TRAK1: variants seen among roughly 807,000 people sequenced by gnomAD.
TRAK1 encodes the protein trafficking kinesin protein 1.
In TRAK1, 33 loss-of-function variants were observed where a neutral mutation model predicts 92.1. That is an observed-to-expected ratio of 0.36 (90% CI 0.27 to 0.48). The LOEUF is 0.48. TRAK1 is among the 20% of genes least tolerant of loss of function. TRAK1 has a pLI of 0.99. For synonymous variants in TRAK1, 521 were observed against 517.3 expected, an observed-to-expected ratio of 1.01 and a Z score of -0.10; for missense variants, 1,123 against 1,257.9, an observed-to-expected ratio of 0.89 and a Z score of 1.62.
At chr3:42,083,254 C>T (rs1447041677), upstream of TRAK1, among the ~76,000 whole-genome samples, 9 of 152,050 alleles carry the variant, frequency 5.9e-5, no homozygotes, top group Admixed American at 5.9e-4. Context: ...TGTGTTTTGG[C>T]AGGGGGAGGG....
rs1417746436 is a variant in TRAK1 at position 42,110,094 on chromosome 3, G to GTGTATATATATATATATATA, written c.92-15325_92-15324insGTATATATATATATATATAT. On this transcript the variant is annotated intron_variant, in intron 1 of 15. Transcript: ENST00000327628. The stretch of plus-strand genomic sequence containing the variant: ...GTGCACATGTACCCTAGAACTTAAA[G>GTGTATATATATATATATATA]TATATATATATATATATATATATAT... Among the ~76,000 whole-genome samples, 29 of 83,230 alleles carry GTGTATATATATATATATATA rather than the reference G, an allele frequency of 3.5e-4. 1 individual carries two copies. Among genetic ancestry groups the GTGTATATATATATATATATA allele is most frequent in the Non-Finnish European group, 5.6e-4 (24 of 43,220 alleles). 54.6% of individuals were successfully genotyped at this position (83,230 alleles called of 152,430 possible).
intron 1 of TRAK1, among the ~76,000 whole-genome samples, chr3:42,059,015 T>C (rs1007410921): frequency 6.6e-6 from 1 of 152,214 alleles, no homozygotes; most frequent in African/African-American, 2.4e-5. Context: ...TGTGTATGCA[T>C]GCGTGTATAT....
chr3:42,207,621 A>G (rs1708478889), intron 13 of TRAK1, among the ~76,000 whole-genome samples: 3 of 152,300 alleles, frequency 2.0e-5, no homozygotes, highest in African/African-American at 7.2e-5. Flanking sequence ...AATACATGTA[A>G]AACAAACTGC....
At chr3:42,018,181 TCTCTTGAGCCCAAGAGATTGAGGCTG>T (rs1261621013) in intron 1 of TRAK1, among the ~76,000 whole-genome samples, 3 of 149,746 alleles carry the variant, frequency 2.0e-5, no homozygotes, top group Non-Finnish European at 4.4e-5. Flanking sequence ...GGTGGGAGAA[TCTCTTGAGCCCAAGAGATTGAGGCTG>T]CAGTGAGCCA....
chr3:42,208,424 C>T (rs945998202), intron 13 of TRAK1, among the ~76,000 whole-genome samples: 10 of 152,158 alleles, frequency 6.6e-5, no homozygotes, highest in Admixed American at 2.6e-4. Context: ...TTGGAAATGG[C>T]AGACTCTGCG....
upstream of TRAK1, among the ~76,000 whole-genome samples, chr3:42,088,208 G>T (rs1576282593): frequency 6.6e-6 from 1 of 152,200 alleles, no homozygotes; most frequent in African/African-American, 2.4e-5. Context: ...TTGGCTTCCA[G>T]TAGCTTCTCT....
chr3:42,163,128 A>G (rs1701454584), intron 2 of TRAK1, among the ~76,000 whole-genome samples: 1 of 152,244 alleles, frequency 6.6e-6, no homozygotes, highest in South Asian at 2.1e-4. Context: ...AATGTGAACA[A>G]CTTGTCTAAA....
At chr3:42,045,568 C>G (rs931599059) in intron 1 of TRAK1, among the ~76,000 whole-genome samples, 3 of 152,138 alleles carry the variant, frequency 2.0e-5, no homozygotes, top group African/African-American at 7.2e-5. Context: ...CCATTGTTCT[C>G]TGTGAGGTGG....
At chr3:42,195,687 G>A (rs1706508884) in intron 10 of TRAK1, among the ~76,000 whole-genome samples, 1 of 152,138 alleles carries the variant, frequency 6.6e-6, no homozygotes, top group Admixed American at 6.5e-5. Flanking sequence ...AGGAAGTCAG[G>A]CTAGAATAGC....
chr3:42,043,290 A>T (rs1332752704), intron 1 of TRAK1, among the ~76,000 whole-genome samples: 1 of 149,934 alleles, frequency 6.7e-6, no homozygotes, highest in Non-Finnish European at 1.5e-5. Flanking sequence ...TTGTCCTCTT[A>T]CCCGTCTCCT....
chr3:42,160,100 G>A (rs1343433927), intron 2 of TRAK1: 10 of 253,168 alleles, frequency 3.9e-5, no homozygotes, highest in South Asian at 1.9e-4. Context: ...TTCCCACCCC[G>A]CCAAGTGCTC....
intron 13 of TRAK1, among the ~76,000 whole-genome samples, chr3:42,207,208 T>G (rs1708434557): frequency 6.6e-6 from 1 of 152,220 alleles, no homozygotes; most frequent in South Asian, 2.1e-4. Flanking sequence ...GTGGCTACTT[T>G]AAGACTTCTC....
chr3:42,015,075 C>G (rs1011350137), intron 1 of TRAK1, among the ~76,000 whole-genome samples: 6 of 152,190 alleles, frequency 3.9e-5, no homozygotes, highest in African/African-American at 1.2e-4. Context: ...GGAGGGTCTC[C>G]CCAGATTGAG....
At chr3:42,199,480 G>T (rs191402565) in intron 11 of TRAK1, among the ~76,000 whole-genome samples, 1 of 152,108 alleles carries the variant, frequency 6.6e-6, no homozygotes, top group Non-Finnish European at 1.5e-5. Context: ...TAGAGATGGG[G>T]TGTCTCACTT....
chr3:42,114,943 C>T (rs1398764686), intron 1 of TRAK1, among the ~76,000 whole-genome samples: 1 of 152,076 alleles, frequency 6.6e-6, no homozygotes, highest in Non-Finnish European at 1.5e-5. Context: ...GAACTCCTAG[C>T]CTCTAGTGAT....
upstream of TRAK1, among the ~76,000 whole-genome samples, chr3:42,090,641 C>CTACT (rs1704971535): frequency 6.6e-6 from 1 of 152,192 alleles, no homozygotes; most frequent in Non-Finnish European, 1.5e-5. Flanking sequence ...TGACACAGTG[C>CTACT]TACTGTACTC....
intron 14 of TRAK1, chr3:42,211,502 C>T (rs905596285): frequency 1.2e-5 from 12 of 985,206 alleles, no homozygotes; most frequent in Middle Eastern, 5.2e-4. Flanking sequence ...CACCAGTGTC[C>T]GTCAGGAAGG....
At chr3:42,220,275 C>T (rs909251573) in intron 15 of TRAK1, among the ~76,000 whole-genome samples, 5 of 152,140 alleles carry the variant, frequency 3.3e-5, no homozygotes, top group Admixed American at 3.3e-4. Context: ...CTCTGGAGCA[C>T]CATCTATGGG....
In TRAK1 at chr3:42,171,208, T is replaced by C. The variant is rs1471942981; in HGVS notation, c.287-5606T>C. ...GTTTTTCTTTTTATATGTACACACA[T>C]ATGTACATGTGTGTGTAAAATATTC... is the stretch of plus-strand genomic sequence containing the variant. On this transcript the variant is annotated intron_variant, in intron 2 of 15. Coordinates refer to ENST00000327628, the MANE Select transcript of TRAK1 (RefSeq NM_001042646.3). 2.0e-5 allele frequency among the ~76,000 whole-genome samples: 3 copies of C among 152,122 alleles called. 1 individual carries two copies. In the East Asian group the frequency reaches 5.8e-4, roughly 29 times the overall value.
Sources: allele counts gnomAD v4.1 joint callset (sites outside exome capture counted in the v4.1 genomes callset), GRCh38; gene constraint gnomAD v4.1.1; transcripts MANE v1.5; gene names NCBI Gene and HGNC (gene_info 2026-07-23, HGNC 2026-07-21).